Variants in PACRG observed in about 807,000 individuals in gnomAD.
PACRG encodes parkin coregulated gene protein.
A neutral mutation model predicts 29.7 loss-of-function variants in PACRG; 29 were observed. The observed-to-expected ratio is 0.98, with a 90% CI of 0.73 to 1.33. The LOEUF is 1.33. PACRG is among the 40% of genes most tolerant of loss of function. The pLI is 0.00. For synonymous variants in PACRG, 116 were observed against 118.7 expected (o/e 0.98, Z 0.15); for missense variants, 279 against 316.2 (o/e 0.88, Z 0.89).
intron 1 of PACRG, among the ~76,000 whole-genome samples, chr6:162,773,656 A>G (rs2128305541): frequency 6.6e-6 from 1 of 151,532 alleles, no homozygotes; most frequent in Admixed American, 6.6e-5. Flanking sequence ...CTGGGACTAC[A>G]GGCGCCCGCC....
At chr6:162,956,374 T>A (rs1018254367) in intron 2 of PACRG, among the ~76,000 whole-genome samples, 1 of 152,198 alleles carries the variant, frequency 6.6e-6, no homozygotes, top group African/African-American at 2.4e-5. Context: ...TTACCCTTAA[T>A]CAGCTTCACC....
intron 4 of PACRG, among the ~76,000 whole-genome samples, chr6:163,252,736 G>A (rs578201177): frequency 6.6e-6 from 1 of 152,324 alleles, no homozygotes; most frequent in African/African-American, 2.4e-5. Context: ...TTGGCAAGAA[G>A]CAGATTTAAT....
rs1554271427 is a variant in PACRG at position 162,747,365 on chromosome 6, CACAT to C, written c.156+18980_156+18983del. Among the ~76,000 whole-genome samples, 406 of 44,620 alleles carry C rather than the reference CACAT, an allele frequency of 9.1e-3. 38 individuals carry two copies. The highest frequency in any genetic ancestry group is 0.037 in the African/African-American group (394 of 10,646). 29.3% of individuals were successfully genotyped at this position (44,620 alleles called of 152,430 possible). A position where few individuals can be genotyped will look rare whatever the true frequency, so the allele number is the denominator to read the frequency against. ...ATATATATATATATATATATATATA[CACAT>C]ACATATATATGTATATATATGTATA... On this transcript the variant is annotated intron_variant, in intron 1 of 4. Coordinates refer to ENST00000366888, the MANE Select transcript of PACRG (RefSeq NM_001080379.2).
chr6:163,145,665 CA>C (rs940855305), intron 4 of PACRG, among the ~76,000 whole-genome samples: 1 of 152,198 alleles, frequency 6.6e-6, no homozygotes, highest in Non-Finnish European at 1.5e-5. Context: ...AGCGCCACCA[CA>C]AAGGACAGAA....
At chr6:163,301,861 A>C (rs963967448) in intron 4 of PACRG, among the ~76,000 whole-genome samples, 4 of 152,224 alleles carry the variant, frequency 2.6e-5, no homozygotes, top group Non-Finnish European at 5.9e-5. Flanking sequence ...CTGTCCTTAC[A>C]GATGGATATT....
intron 2 of PACRG, among the ~76,000 whole-genome samples, chr6:162,983,342 A>C (rs1337380776): frequency 6.6e-6 from 1 of 151,788 alleles, no homozygotes; most frequent in Non-Finnish European, 1.5e-5. Context: ...TGTTTTATTC[A>C]TCATGCTAAT....
At chr6:162,787,537 TTGTG>T (rs1784557982) in intron 1 of PACRG, among the ~76,000 whole-genome samples, 2 of 131,300 alleles carry the variant, frequency 1.5e-5, no homozygotes, top group South Asian at 5.0e-4. Context: ...GTGTGTGTGT[TTGTG>T]TATATATATA....
intron 1 of PACRG, among the ~76,000 whole-genome samples, chr6:162,771,186 C>T (rs1392939973): frequency 6.6e-6 from 1 of 152,016 alleles, no homozygotes; most frequent in Non-Finnish European, 1.5e-5. Context: ...CTTGTTATTG[C>T]CATTCAAGTT....
chr6:162,951,698 G>A (rs1232396645), intron 2 of PACRG, among the ~76,000 whole-genome samples: 1 of 152,142 alleles, frequency 6.6e-6, no homozygotes, highest in Admixed American at 6.5e-5. Flanking sequence ...ATACTTTAAC[G>A]GTTTATGTTT....
intron 2 of PACRG, among the ~76,000 whole-genome samples, chr6:162,947,611 C>G (rs12204219): frequency 0.074 from 2,069 of 27,950 alleles, 151 homozygotes; most frequent in Middle Eastern, 0.1. Flanking sequence ...TATATATAAT[C>G]ATATATATAT....
At chr6:162,842,189 A>T (rs1250071693) in intron 2 of PACRG, among the ~76,000 whole-genome samples, 2 of 149,160 alleles carry the variant, frequency 1.3e-5, no homozygotes, top group African/African-American at 5.0e-5. Context: ...TAATGTTGAC[A>T]GTGGGGTGTT....
At chr6:163,240,609 C>T (rs970630988) in intron 4 of PACRG, among the ~76,000 whole-genome samples, 1 of 152,128 alleles carries the variant, frequency 6.6e-6, no homozygotes, top group African/African-American at 2.4e-5. Flanking sequence ...CTTTGGGCTG[C>T]GTTCTCACTT....
At chr6:162,973,143 T>C (rs1245654357) in intron 2 of PACRG, among the ~76,000 whole-genome samples, 2 of 152,216 alleles carry the variant, frequency 1.3e-5, no homozygotes, top group Non-Finnish European at 2.9e-5. Flanking sequence ...GTGATTGCTA[T>C]GGATTTTGAG....
At chr6:162,859,685 TGAACAGAAAG>T (rs1791692786) in intron 2 of PACRG, among the ~76,000 whole-genome samples, 1 of 152,170 alleles carries the variant, frequency 6.6e-6, no homozygotes, top group Admixed American at 6.5e-5. Context: ...TGTCTTGCCC[TGAACAGAAAG>T]GCCAAGAAGA....
intron 4 of PACRG, among the ~76,000 whole-genome samples, chr6:163,267,428 T>C (rs1176724728): frequency 2.0e-5 from 3 of 152,242 alleles, no homozygotes; most frequent in Non-Finnish European, 1.5e-5. Flanking sequence ...AGTCCTAGTT[T>C]TCTAAAGTAC....
chr6:163,034,526 A>T (rs931675383), intron 2 of PACRG, among the ~76,000 whole-genome samples: 1 of 152,056 alleles, frequency 6.6e-6, no homozygotes, highest in Non-Finnish European at 1.5e-5. Context: ...GGGGCCTCTA[A>T]CCCACTCATT....
Position 162,728,099 on chromosome 6 carries a change from C to A in PACRG, c.-137C>A. ...AGGAGCTGCCAAACATCTGGATCAACCTGGGCACTACGAGGGGTTGAATTT... is the reference window on the plus strand; with the variant it reads ...AGGAGCTGCCAAACATCTGGATCAAACTGGGCACTACGAGGGGTTGAATTT... On this transcript the variant is annotated 5_prime_UTR_variant, in exon 1 of 5. Coordinates refer to ENST00000366888, the MANE Select transcript of PACRG (RefSeq NM_001080379.2). 1 of 1,063,922 alleles carries A rather than the reference C, an allele frequency of 9.4e-7. No homozygotes were observed. The highest frequency in any genetic ancestry group is 1.4e-6 in the Non-Finnish European group (1 of 729,994). 65.9% of individuals were successfully genotyped at this position (1,063,922 alleles called of 1,614,324 possible).
chr6:162,994,511 C>T (rs987901271), intron 2 of PACRG, among the ~76,000 whole-genome samples: 14 of 152,054 alleles, frequency 9.2e-5, no homozygotes, highest in African/African-American at 2.9e-4. Context: ...ATTGCTGATA[C>T]CCTTTCTTCC....
chr6:163,004,614 G>A (rs1025529578), intron 2 of PACRG, among the ~76,000 whole-genome samples: 1 of 151,716 alleles, frequency 6.6e-6, no homozygotes, highest in Admixed American at 6.6e-5. Flanking sequence ...GACATGTGGG[G>A]ATTATGGGGA....
Sources: allele counts gnomAD v4.1 joint callset (sites outside exome capture counted in the v4.1 genomes callset), GRCh38; gene constraint gnomAD v4.1.1; transcripts MANE v1.5; gene names NCBI Gene and HGNC (gene_info 2026-07-23, HGNC 2026-07-21).